POLR1H: variants seen among roughly 807,000 people sequenced by gnomAD.
POLR1H encodes RNA polymerase I subunit H, also known as DNA-directed RNA polymerase I subunit RPA12.
Under a neutral mutation model 15.8 loss-of-function variants are expected in POLR1H, and 5 were observed. The ratio of observed to expected loss-of-function variants is 0.32; its 90% CI spans 0.17 to 0.67. The LOEUF (loss-of-function observed/expected upper bound fraction) is 0.67. POLR1H is among the 30% of genes least tolerant of loss of function. The pLI, the probability that POLR1H is intolerant of heterozygous loss-of-function variation, is 0.74. For synonymous variants in POLR1H, 43 were observed against 58.3 expected (o/e 0.74, Z 1.20); for missense variants, 100 against 163.4 (o/e 0.61, Z 2.11).
chr6:30,064,665 C>T lies in POLR1H; in HGVS notation c.357-8C>T. The T allele has an allele frequency of 6.2e-7, 1 of 1,607,028 alleles. No individual in the cohort carries two copies. The highest frequency in any genetic ancestry group is 1.1e-5 in the South Asian group (1 of 90,000). ...GGTGAATATAACAAGTCCTTTCTTT[C>T]CTCATAGGTTCCAGGAGAAGGAAGA... On this transcript the variant is annotated splice_region_variant and splice_polypyrimidine_tract_variant and intron_variant, in intron 3 of 3. Transcript: ENST00000332435.
chr6:30,064,685 G>C lies in POLR1H; in HGVS notation c.369G>C (p.Lys123Asn). 6.2e-7 allele frequency: 1 copy of C among 1,608,882 alleles called. No homozygotes were observed. Among genetic ancestry groups the C allele is most frequent in the Non-Finnish European group, 8.5e-7 (1 of 1,178,552 alleles). The change falls in exon 4 of 4, where the codon AAG becomes AAC. Residue 123 changes from lysine (K) to asparagine (N), a missense_variant. Physicochemically the swap from Lys to Asn is moderately conservative, Grantham distance 94. This residue lies in a region of POLR1H where 13 missense variants were observed against 43.6 expected (regional missense o/e 0.30). Transcript: ENST00000332435. ...TCTTTCCTCATAGGTTCCAGGAGAA[G>C]GAAGACTCTTGACCTTTTTCCTGGG... ...YTCTNCKFQE[K>N]EDS
rs1765094652 is a variant in POLR1H at position 30,061,769 on chromosome 6, C to T, written c.145+100C>T. The T allele has an allele frequency of 1.9e-6, 3 of 1,571,922 alleles. No homozygotes were observed. In the Admixed American group the frequency reaches 5.2e-5, roughly 27 times the overall value. ...TTGAGGAGGGGATCCTAGAGCAGGACATCAGGCGGTTGTACATTTGGTCTA... is the reference window on the plus strand; with the variant it reads ...TTGAGGAGGGGATCCTAGAGCAGGATATCAGGCGGTTGTACATTTGGTCTA... On this transcript the variant is annotated intron_variant, in intron 1 of 3. Transcript: ENST00000332435. This position sits in a 1 kb window ranked among gnomAD's most constrained non-coding sequence, Gnocchi z 5.0.
upstream of POLR1H, chr6:30,061,134 T>A: frequency 5.6e-6 from 1 of 178,908 alleles, no homozygotes; most frequent in Non-Finnish European, 1.2e-5. The surrounding 1 kb of genome is among the most constrained non-coding windows in gnomAD (Gnocchi z 5.0). Flanking sequence ...CAATCTCCCT[T>A]GGAAGACGTT....
chr6:30,064,675 TC>T lies in POLR1H; in HGVS notation c.361del (p.Gln121ArgfsTer68). Reference protein sequence around the residue: ...TVFYTCTNCKFQEKEDS With the variant: ...TVFYTCTNCKXQEKEDS ...ACAAGTCCTTTCTTTCCTCATAGGT[TC>T]CAGGAGAAGGAAGACTCTTGACCTT... On this transcript the variant is annotated frameshift_variant, in exon 4 of 4. Coordinates refer to ENST00000332435, the MANE Select transcript of POLR1H (RefSeq NM_170783.4). LOFTEE classifies it high-confidence loss of function. The T allele has an allele frequency of 6.2e-7, 1 of 1,608,422 alleles. No individual in the cohort carries two copies. The highest frequency in any genetic ancestry group is 2.3e-5 in the East Asian group (1 of 44,408).
At chr6:30,062,885 T>C (rs1463769467) in intron 3 of POLR1H, among the ~76,000 whole-genome samples, 1 of 150,260 alleles carries the variant, frequency 6.7e-6, no homozygotes, top group Non-Finnish European at 1.5e-5. Context: ...TTTTAGGATA[T>C]TTAAAAGGAA....
In POLR1H at chr6:30,062,002, G is replaced by C. The variant is rs766686472; in HGVS notation, c.231G>C (p.Glu77Asp). 53 of 1,612,964 alleles carry C rather than the reference G, an allele frequency of 3.3e-5. No homozygotes were observed. The highest frequency in any genetic ancestry group is 4.2e-5 in the Non-Finnish European group (50 of 1,180,020). ...AMPMSVEEGP[E>D]CQGPVVDRRC... ...CTATGTCGGTGGAGGAAGGGCCTGA[G>C]TGCCAGGGACCTGTGGTAAGCTAAT... The change falls in exon 2 of 4, where the codon GAG (glutamate) becomes GAC (aspartate). Residue 77 changes from glutamate to aspartate, a missense_variant. By Grantham distance (45) the Glu-to-Asp change is conservative (BLOSUM62 2). Around this residue, in one of 2 missense-constraint regions of POLR1H, gnomAD observed 87 missense variants for 119.8 expected, o/e 0.73. Transcript: ENST00000332435.
At chr6:30,062,714 CTTTTTTTTTTTTTTTTT>C (rs9278555) in intron 3 of POLR1H, among the ~76,000 whole-genome samples, 5 of 42,388 alleles carry the variant, frequency 1.2e-4, no homozygotes, top group African/African-American at 3.0e-4. Flanking sequence ...CCACGCCTGG[CTTTTTTTTTTTTTTTTT>C]TTTTTTTTTT....
chr6:30,064,620 C>G, intron 3 of POLR1H, 53 bp from the exon 4 acceptor site: 1 of 1,532,652 alleles, frequency 6.5e-7, no homozygotes, highest in Non-Finnish European at 8.9e-7. Context: ...TTATCTTATA[C>G]TACTAGAAAC....
chr6:30,061,011 CAAAG>C (rs141694700), upstream of POLR1H: 95 of 153,264 alleles, frequency 6.2e-4, 3 homozygotes, highest in East Asian at 0.018. The surrounding 1 kb of genome is among the most constrained non-coding windows in gnomAD (Gnocchi z 5.0). Flanking sequence ...GGATGTGAGA[CAAAG>C]AGAATAAATA....
In POLR1H at chr6:30,062,000, G is replaced by C. The variant is rs1246582804; in HGVS notation, c.229G>C (p.Glu77Gln). 1 of 1,613,080 alleles carries C rather than the reference G, an allele frequency of 6.2e-7. No individual in the cohort carries two copies. ...AMPMSVEEGP[E>Q]CQGPVVDRRC... The stretch of plus-strand genomic sequence containing the variant: ...GCCTATGTCGGTGGAGGAAGGGCCT[G>C]AGTGCCAGGGACCTGTGGTAAGCTA... Residue 77 changes from glutamate (E) to glutamine (Q), a missense_variant, in exon 2 of 4, where the codon GAG (glutamate) becomes CAG (glutamine). Physicochemically the swap from Glu to Gln is conservative, Grantham distance 29. Around this residue, in one of 2 missense-constraint regions of POLR1H, gnomAD observed 87 missense variants for 119.8 expected, o/e 0.73. Transcript: ENST00000332435. The surrounding 1 kb of genome is among the most constrained non-coding windows in gnomAD (Gnocchi z 5.0).
chr6:30,061,851 A>G lies in POLR1H; in HGVS notation c.146-66A>G, dbSNP rs1765101784. On this transcript the variant is annotated intron_variant, in intron 1 of 3. Coordinates refer to ENST00000332435, the MANE Select transcript of POLR1H (RefSeq NM_170783.4). This position sits in a 1 kb window ranked among gnomAD's most constrained non-coding sequence, Gnocchi z 5.0. ...CTCCTGGCCTAACCAGCCAGGGGAA[A>G]GGGGAGGTTTCCGGTGTCAGCTCTC... 5 of 1,582,404 alleles carry G rather than the reference A, an allele frequency of 3.2e-6. No individual in the cohort carries two copies. In the African/African-American group the frequency reaches 6.7e-5, roughly 21 times the overall value.
Position 30,061,292 on chromosome 6 carries a change from G to A in POLR1H, c.-233G>A. On this transcript the variant is annotated 5_prime_UTR_variant, in exon 1 of 4. Coordinates refer to ENST00000332435, the MANE Select transcript of POLR1H (RefSeq NM_170783.4). The surrounding 1 kb of genome is among the most constrained non-coding windows in gnomAD (Gnocchi z 5.0). ...AGCTGGCGCTCTAGCCCACGGAGTT[G>A]GTTAACTCCTCTCACCGGCCCCTGG... The A allele has an allele frequency of 2.2e-6, 1 of 454,806 alleles. No homozygotes were observed. The allele number at this position is 454,806 out of a possible 1,614,324, so 28.2% of individuals were successfully genotyped here. A position where few individuals can be genotyped will look rare whatever the true frequency, so the allele number is the denominator to read the frequency against.
intron 3 of POLR1H, among the ~76,000 whole-genome samples, chr6:30,064,210 A>G (rs999089209): frequency 2.6e-5 from 4 of 152,052 alleles, no homozygotes; most frequent in African/African-American, 7.2e-5. Flanking sequence ...CTTTCTTGCC[A>G]TCTCATCAAA....
Position 30,064,720 on chromosome 6 carries a change from A to G in POLR1H, c.*23A>G. ...TGACCTTTTTCCTGGGCAACTCTAC[A>G]GTCCCTCCCTCCTTTCGGAAGGTGA... is the stretch of plus-strand genomic sequence containing the variant. On this transcript the variant is annotated 3_prime_UTR_variant, in exon 4 of 4. Transcript: ENST00000332435. 1 of 1,606,804 alleles carries G rather than the reference A, an allele frequency of 6.2e-7. No homozygotes were observed. The highest frequency in any genetic ancestry group is 1.1e-5 in the South Asian group (1 of 90,082).
In POLR1H at chr6:30,061,344, G is replaced by C; in HGVS notation, c.-181G>C. The C allele has an allele frequency of 1.5e-6, 1 of 646,172 alleles. No homozygotes were observed. The highest frequency in any genetic ancestry group is 2.3e-5 in the South Asian group (1 of 43,824). 40.0% of individuals were successfully genotyped at this position (646,172 alleles called of 1,614,324 possible). ...AAGGGTTCCAAGTCCTTTAGTACCC[G>C]ACGCTGTCTGGGAATTCCGGGCGTT... On this transcript the variant is annotated 5_prime_UTR_variant, in exon 1 of 4. Transcript: ENST00000332435. This position sits in a 1 kb window ranked among gnomAD's most constrained non-coding sequence, Gnocchi z 5.0.
chr6:30,062,138 C>T, intron 2 of POLR1H, 86 bp from the exon 3 acceptor site: 3 of 1,448,290 alleles, frequency 2.1e-6, no homozygotes, highest in Non-Finnish European at 1.9e-6. Flanking sequence ...TGTAAACCAT[C>T]GACGTTTGAG....
At chr6:30,061,109 G>C (rs972010061), upstream of POLR1H, 1 of 166,318 alleles carries the variant, frequency 6.0e-6, no homozygotes, top group Admixed American at 6.2e-5. The surrounding 1 kb of genome is among the most constrained non-coding windows in gnomAD (Gnocchi z 5.0). Context: ...CAGTACCAGG[G>C]TGAAAGTGGA....
Position 30,061,956 on chromosome 6 carries a change from A to G in POLR1H, c.185A>G (p.His62Arg), listed in dbSNP as rs2127289961. Residue 62 changes from histidine (H) to arginine (R), a missense_variant, in exon 2 of 4, where the codon CAC becomes CGC. This residue lies in a region of POLR1H where 87 missense variants were observed against 119.8 expected (regional missense o/e 0.73). Coordinates refer to ENST00000332435, the MANE Select transcript of POLR1H (RefSeq NM_170783.4). The surrounding 1 kb of genome is among the most constrained non-coding windows in gnomAD (Gnocchi z 5.0). Reference protein sequence around the residue: ...GKVVKTSVVFHQLGTAMPMSV... With the variant: ...GKVVKTSVVFRQLGTAMPMSV... ...GTTGTGAAGACTTCGGTTGTGTTCCACCAACTGGGGACAGCCATGCCTATG... is the reference window on the plus strand; with the variant it reads ...GTTGTGAAGACTTCGGTTGTGTTCCGCCAACTGGGGACAGCCATGCCTATG... The G allele has an allele frequency of 1.2e-6, 2 of 1,612,970 alleles. No homozygotes were observed. The highest frequency in any genetic ancestry group is 1.1e-5 in the South Asian group (1 of 91,068).
In POLR1H at chr6:30,064,713, A is replaced by T; in HGVS notation, c.*16A>T. On this transcript the variant is annotated 3_prime_UTR_variant, in exon 4 of 4. Transcript: ENST00000332435. ...AGACTCTTGACCTTTTTCCTGGGCA[A>T]CTCTACAGTCCCTCCCTCCTTTCGG... 6.2e-7 allele frequency: 1 copy of T among 1,608,446 alleles called. No individual in the cohort carries two copies. The highest frequency in any genetic ancestry group is 8.5e-7 in the Non-Finnish European group (1 of 1,178,192).
Sources: gnomAD v4.1 joint callset for allele counts (sites outside exome capture counted in the v4.1 genomes callset) on GRCh38, gnomAD v4.1.1 for gene constraint, gnomAD v4.1.1 regional missense constraint, Gnocchi (gnomAD v3.1) non-coding constraint, MANE v1.5 for transcripts, NCBI Gene and HGNC (gene_info 2026-07-23, HGNC 2026-07-21) for gene names.